Variants in ZNF670 observed in about 807,000 individuals in gnomAD.
The protein encoded by ZNF670 is zinc finger protein 670.
Under a neutral mutation model 10.9 loss-of-function variants are expected in ZNF670, and 7 were observed. That is an observed-to-expected ratio of 0.64 (90% CI 0.36 to 1.20). ZNF670 has a LOEUF of 1.20. Ranked by LOEUF, ZNF670 falls within the 50% of genes most tolerant of loss-of-function variation. The pLI is 0.02. For missense variants in ZNF670, 446 were observed against 458.6 expected (o/e 0.97, Z 0.25); for synonymous variants, 136 against 152.7 (o/e 0.89, Z 0.81).
At chr1:247,052,222 G>A (rs1670614278) in intron 1 of ZNF670, among the ~76,000 whole-genome samples, 1 of 152,170 alleles carries the variant, frequency 6.6e-6, no homozygotes, top group Non-Finnish European at 1.5e-5. Context: ...GGTAGACTAT[G>A]TCAGAGGAAA....
chr1:247,072,804 G>GTGTATATA (rs1484895671), intron 1 of ZNF670, among the ~76,000 whole-genome samples: 7 of 47,652 alleles, frequency 1.5e-4, no homozygotes, highest in Non-Finnish European at 2.5e-4. Context: ...AAAAGTGTGT[G>GTGTATATA]TATATATATA....
intron 1 of ZNF670, among the ~76,000 whole-genome samples, chr1:247,066,400 G>C (rs1045745002): frequency 2.0e-5 from 3 of 152,234 alleles, no homozygotes; most frequent in African/African-American, 7.2e-5. Flanking sequence ...ATGGACACTT[G>C]AGCTGGAAAA....
At chr1:247,059,168 G>A (rs933834450) in intron 1 of ZNF670, among the ~76,000 whole-genome samples, 10 of 152,108 alleles carry the variant, frequency 6.6e-5, no homozygotes, top group African/African-American at 2.2e-4. Flanking sequence ...CAGGCTGGGC[G>A]CAGTGGCTCA....
chr1:247,044,850 G>A (rs898511809), intron 1 of ZNF670, among the ~76,000 whole-genome samples: 16 of 151,896 alleles, frequency 1.1e-4, no homozygotes, highest in African/African-American at 3.6e-4. Context: ...TACCTATCAG[G>A]CACTATGCTC....
At chr1:247,050,042 C>T (rs1328447895) in intron 1 of ZNF670, among the ~76,000 whole-genome samples, 1 of 152,214 alleles carries the variant, frequency 6.6e-6, no homozygotes, top group Non-Finnish European at 1.5e-5. Flanking sequence ...TTAAGTCCAT[C>T]TGTTCTATGA....
At chr1:247,041,076 G>A (rs967802659) in intron 1 of ZNF670, among the ~76,000 whole-genome samples, 3 of 152,198 alleles carry the variant, frequency 2.0e-5, no homozygotes, top group African/African-American at 7.2e-5. Context: ...AAAACATACA[G>A]TAGAGCAAAT....
intron 1 of ZNF670, among the ~76,000 whole-genome samples, chr1:247,068,814 G>A (rs1671050212): frequency 7.1e-6 from 1 of 141,468 alleles, no homozygotes; most frequent in Non-Finnish European, 1.5e-5. Flanking sequence ...TACACACACT[G>A]GGGTACTATT....
intron 1 of ZNF670, among the ~76,000 whole-genome samples, chr1:247,046,902 G>A (rs1022487246): frequency 6.6e-6 from 1 of 152,208 alleles, no homozygotes; most frequent in South Asian, 2.1e-4. Flanking sequence ...GTTCCAAATG[G>A]AAGAAATGGC....
Position 247,034,919 on chromosome 1 carries a change from C to G in ZNF670, c.*2530G>C, listed in dbSNP as rs923712458. Reference sequence around the variant, plus strand: ...TCAATGTGGGGTACCTTGGAAACTGCCTGCCAAACACAGGTCAAGGTGGAA... The same window carrying G: ...TCAATGTGGGGTACCTTGGAAACTGGCTGCCAAACACAGGTCAAGGTGGAA... On this transcript the variant is annotated 3_prime_UTR_variant, in exon 4 of 4. Coordinates refer to ENST00000366503, the MANE Select transcript of ZNF670 (RefSeq NM_033213.5). 2.2e-4 allele frequency among the ~76,000 whole-genome samples: 33 copies of G among 152,288 alleles called. No homozygotes were observed. The highest frequency in any genetic ancestry group is 7.5e-4 in the African/African-American group (31 of 41,564).
At chr1:247,040,635 T>C (rs1253132470) in intron 1 of ZNF670, among the ~76,000 whole-genome samples, 1 of 152,154 alleles carries the variant, frequency 6.6e-6, no homozygotes, top group African/African-American at 2.4e-5. Context: ...GATAAACAAA[T>C]AGTCCAAAAG....
intron 1 of ZNF670, among the ~76,000 whole-genome samples, chr1:247,040,676 TTTTTA>T (rs530767176): frequency 3.1e-4 from 47 of 152,264 alleles, no homozygotes; most frequent in African/African-American, 1.0e-3. Flanking sequence ...CAGGAATTTA[TTTTTA>T]TTTTATTTTT....
chr1:247,072,087 G>A (rs1671130713), intron 1 of ZNF670, among the ~76,000 whole-genome samples: 1 of 151,340 alleles, frequency 6.6e-6, no homozygotes, highest in Non-Finnish European at 1.5e-5. Context: ...TTGATCTCCT[G>A]ACCTCGTGAT....
intron 1 of ZNF670, among the ~76,000 whole-genome samples, chr1:247,055,491 G>C (rs1343460113): frequency 6.6e-6 from 1 of 152,160 alleles, no homozygotes; most frequent in African/African-American, 2.4e-5. Flanking sequence ...CCCCTTCTCT[G>C]CTGCAGAGAG....
At chr1:247,039,826 T>A (rs1169905363) in intron 1 of ZNF670, among the ~76,000 whole-genome samples, 1 of 152,220 alleles carries the variant, frequency 6.6e-6, no homozygotes, top group Non-Finnish European at 1.5e-5. Flanking sequence ...CTAATTTCTA[T>A]GTGTAGATTT....
At chr1:247,039,249 T>TG (rs1156711314) in intron 2 of ZNF670, among the ~76,000 whole-genome samples, 162 bp downstream of exon 2, 1 of 151,904 alleles carries the variant, frequency 6.6e-6, no homozygotes, top group African/African-American at 2.4e-5. Flanking sequence ...TTGGTAGAGA[T>TG]GGGGTTTCAC....
chr1:247,062,834 T>C (rs1481144627), intron 1 of ZNF670, among the ~76,000 whole-genome samples: 1 of 152,088 alleles, frequency 6.6e-6, no homozygotes, highest in Non-Finnish European at 1.5e-5. Context: ...TACACTCCCA[T>C]ACCTCAGTCT....
Position 247,038,404 on chromosome 1 carries a change from AAC to A in ZNF670, c.213_214del (p.Phe72Ter), listed in dbSNP as rs1670219434. ...ATATTGACTGCCTTCTTTAATTTCA[AAC>A]AGTCTCTCTACCACATGACTGCTGT... On this transcript the variant is annotated frameshift_variant, in exon 4 of 4. Coordinates refer to ENST00000366503, the MANE Select transcript of ZNF670 (RefSeq NM_033213.5). LOFTEE classifies it low-confidence loss of function (END_TRUNC). The A allele has an allele frequency of 6.2e-7, 1 of 1,611,640 alleles. No individual in the cohort carries two copies. Among genetic ancestry groups the A allele is most frequent in the Non-Finnish European group, 8.5e-7 (1 of 1,179,352 alleles).
chr1:247,048,581 T>C lies in ZNF670; in HGVS notation c.4-9044A>G, dbSNP rs1190577547. 1.1e-4 allele frequency among the ~76,000 whole-genome samples: 16 copies of C among 152,212 alleles called. 1 individual carries two copies. The highest frequency in any genetic ancestry group is 1.0e-3 in the Admixed American group (16 of 15,282). On this transcript the variant is annotated intron_variant, in intron 1 of 3. Transcript: ENST00000366503. ...GTATCTTTATAGCACCACCCCACTC[T>C]CTACAGTACCAACTTACTGTATTAG...
intron 1 of ZNF670, 78 bp from the exon 2 acceptor site, chr1:247,039,615 C>T (rs1019896141): frequency 5.1e-6 from 7 of 1,376,188 alleles, no homozygotes; most frequent in African/African-American, 3.0e-5. Context: ...CTCATAAAAT[C>T]GTAACATAAT....
Sources: gnomAD v4.1 joint callset for allele counts (sites outside exome capture counted in the v4.1 genomes callset) on GRCh38, gnomAD v4.1.1 for gene constraint, MANE v1.5 for transcripts, NCBI Gene and HGNC (gene_info 2026-07-23, HGNC 2026-07-21) for gene names.